The following GRB14 variants were observed in gnomAD, a reference collection of about 807,000 sequenced individuals.
GRB14 encodes the protein growth factor receptor-bound protein 14.
GRB14 carries 38 observed loss-of-function variants against 69.1 expected under a neutral mutation model. That is an observed-to-expected ratio of 0.55 (90% CI 0.42 to 0.72). The LOEUF (loss-of-function observed/expected upper bound fraction) is 0.72, where lower values mean the gene tolerates loss of function less well. Ranked by LOEUF, GRB14 falls within the 30% of genes least tolerant of loss-of-function variation. The pLI, the probability that GRB14 is intolerant of heterozygous loss-of-function variation, is 0.00. For missense variants in GRB14, 666 were observed against 666.1 expected (o/e 1.00, Z 0.00); for synonymous variants, 247 against 241.3 (o/e 1.02, Z -0.22).
chr2:164,605,425 T>C (rs1250541753), intron 2 of GRB14, among the ~76,000 whole-genome samples: 1 of 152,096 alleles, frequency 6.6e-6, no homozygotes, highest in Non-Finnish European at 1.5e-5. Flanking sequence ...AATGAAGATA[T>C]CCAACAGGCA....
chr2:164,533,124 C>T (rs528555212), intron 3 of GRB14, among the ~76,000 whole-genome samples: 1 of 152,070 alleles, frequency 6.6e-6, no homozygotes, highest in East Asian at 1.9e-4. Flanking sequence ...CATTCCCTAG[C>T]GCCTCTGCTG....
chr2:164,592,123 G>GTT (rs145559197), intron 2 of GRB14, among the ~76,000 whole-genome samples: 3 of 147,620 alleles, frequency 2.0e-5, no homozygotes, highest in African/African-American at 5.0e-5. Flanking sequence ...CCAGTCATGG[G>GTT]TTTTTTTTTT....
chr2:164,562,633 T>C (rs1688859115), intron 2 of GRB14, among the ~76,000 whole-genome samples: 1 of 152,092 alleles, frequency 6.6e-6, no homozygotes, highest in Non-Finnish European at 1.5e-5. Context: ...ATTTCACAGG[T>C]GGGGAAAAAG....
intron 3 of GRB14, among the ~76,000 whole-genome samples, chr2:164,541,389 T>C (rs1688235603): frequency 6.6e-6 from 1 of 151,880 alleles, no homozygotes; most frequent in South Asian, 2.1e-4. Flanking sequence ...GGAGAATCAC[T>C]TGAACTTGGG....
intron 1 of GRB14, among the ~76,000 whole-genome samples, chr2:164,620,398 A>G (rs1690427026): frequency 6.6e-6 from 1 of 152,174 alleles, no homozygotes; most frequent in Non-Finnish European, 1.5e-5. Flanking sequence ...GCTTATAGAT[A>G]TTAAACAGCA....
intron 2 of GRB14, among the ~76,000 whole-genome samples, chr2:164,591,641 T>C (rs1029682524): frequency 2.6e-5 from 4 of 152,274 alleles, no homozygotes; most frequent in African/African-American, 9.6e-5. Context: ...CCAAAGGCCT[T>C]AGGGCAGTTA....
chr2:164,587,164 G>C (rs955959555), intron 2 of GRB14, among the ~76,000 whole-genome samples: 1 of 152,132 alleles, frequency 6.6e-6, no homozygotes, highest in Admixed American at 6.5e-5. Context: ...AAACAAAAAA[G>C]TCTTATTTAA....
At chr2:164,532,764 C>A (rs1176125288) in intron 3 of GRB14, among the ~76,000 whole-genome samples, 1 of 152,086 alleles carries the variant, frequency 6.6e-6, no homozygotes, top group East Asian at 1.9e-4. Flanking sequence ...ATTTTTTAAG[C>A]CACCAAATTT....
At position 164,558,361 on chromosome 2, in the gene GRB14, T is replaced by C. The variant is rs534648760; in HGVS notation, c.325-10545A>G. Among the ~76,000 whole-genome samples, 5 of 152,268 alleles carry C rather than the reference T, an allele frequency of 3.3e-5. No individual in the cohort carries two copies. In the East Asian group the frequency reaches 7.7e-4, roughly 23 times the overall value. On this transcript the variant is annotated intron_variant, in intron 2 of 13. Coordinates refer to ENST00000263915, the MANE Select transcript of GRB14 (RefSeq NM_004490.3). ...AAAGATAAAAGAAACTGCTCCAATT[T>C]CATTATAAAAGAAAGCAAACATTAA... is the stretch of plus-strand genomic sequence containing the variant.
At chr2:164,557,989 T>C (rs188882178) in intron 2 of GRB14, among the ~76,000 whole-genome samples, 3 of 152,208 alleles carry the variant, frequency 2.0e-5, no homozygotes, top group Admixed American at 1.3e-4. Flanking sequence ...GGAAATGCCC[T>C]AAACTTGGCA....
intron 2 of GRB14, among the ~76,000 whole-genome samples, chr2:164,617,971 G>A (rs1164973233): frequency 3.3e-5 from 4 of 122,038 alleles, no homozygotes; most frequent in Non-Finnish European, 6.9e-5. Context: ...GGGGGGGGGG[G>A]GTAGTGTCAG....
chr2:164,514,904 G>C (rs1307493267), intron 6 of GRB14, among the ~76,000 whole-genome samples: 2 of 152,136 alleles, frequency 1.3e-5, no homozygotes, highest in Non-Finnish European at 2.9e-5. Flanking sequence ...CTTCTGGGCT[G>C]CACAGGAGCT....
At chr2:164,601,249 TAAC>T (rs1319046159) in intron 2 of GRB14, among the ~76,000 whole-genome samples, 1 of 151,946 alleles carries the variant, frequency 6.6e-6, no homozygotes, top group African/African-American at 2.4e-5. Context: ...ATAATAATAA[TAAC>T]GACAATGATT....
At chr2:164,610,424 C>T (rs191920923) in intron 2 of GRB14, among the ~76,000 whole-genome samples, 6 of 151,898 alleles carry the variant, frequency 4.0e-5, no homozygotes, top group South Asian at 4.1e-4. Context: ...CTTGATTACA[C>T]GGATCAAATT....
chr2:164,618,618 A>T (rs1690365949), intron 2 of GRB14, among the ~76,000 whole-genome samples: 1 of 152,104 alleles, frequency 6.6e-6, no homozygotes, highest in Non-Finnish European at 1.5e-5. Flanking sequence ...CCCTCCCCCC[A>T]AAAATATATA....
intron 1 of GRB14, chr2:164,620,075 C>CT (rs1329203158): frequency 9.6e-6 from 1 of 104,594 alleles, no homozygotes; most frequent in Non-Finnish European, 1.9e-5. Flanking sequence ...CTCCCACCAC[C>CT]CCTCCCCCCC....
rs1344027338 is a variant in GRB14 at position 164,517,741 on chromosome 2, A to AT, written c.816+4238_816+4239insA. 5.3e-5 allele frequency among the ~76,000 whole-genome samples: 8 copies of AT among 152,232 alleles called. No homozygotes were observed. The South Asian group carries it at 6.2e-4, about 12-fold the overall frequency. ...TCTTATATCAGACAAAACAGACTTT[A>AT]AAGCAACAGCAGTTAAAAAAGACAA... is the stretch of plus-strand genomic sequence containing the variant. On this transcript the variant is annotated intron_variant, in intron 6 of 13. Transcript: ENST00000263915.
chr2:164,595,194 G>A lies in GRB14; in HGVS notation c.324+24493C>T, dbSNP rs559534787. Among the ~76,000 whole-genome samples, 12 of 152,298 alleles carry A rather than the reference G, an allele frequency of 7.9e-5. No individual in the cohort carries two copies. In the South Asian group the frequency reaches 2.1e-3, roughly 26 times the overall value. On this transcript the variant is annotated intron_variant, in intron 2 of 13. Transcript: ENST00000263915. ...TAAACCAATGTTTATGTAGTCAAAT[G>A]GACATTAAGAATTTTCAGTTTGGTA...
At chr2:164,570,605 G>A (rs1453179896) in intron 2 of GRB14, among the ~76,000 whole-genome samples, 1 of 152,092 alleles carries the variant, frequency 6.6e-6, no homozygotes, top group East Asian at 1.9e-4. Context: ...AGAAGGAAAC[G>A]GCACTTGCTT....
Sources: allele counts gnomAD v4.1 joint callset (sites outside exome capture counted in the v4.1 genomes callset), GRCh38; gene constraint gnomAD v4.1.1; transcripts MANE v1.5; gene names NCBI Gene and HGNC (gene_info 2026-07-23, HGNC 2026-07-21).